ZNF121: variants seen among roughly 807,000 people sequenced by gnomAD.
ZNF121 encodes the protein zinc finger protein 121 (clone ZHC32).
ZNF121 carries 1 observed loss-of-function variant against 2.4 expected under a neutral mutation model. The ratio of observed to expected loss-of-function variants is 0.41; its 90% CI spans 0.15 to 1.94. ZNF121 has a LOEUF of 1.94. ZNF121 is among the 30% of genes most tolerant of loss of function. ZNF121 has a pLI of 0.30. For synonymous variants in ZNF121, 173 were observed against 158.6 expected (o/e 1.09, Z -0.68); for missense variants, 369 against 466.3 (o/e 0.79, Z 1.92).
chr19:9,581,359 C>A (rs1189479595), intron 1 of ZNF121, among the ~76,000 whole-genome samples: 2 of 149,022 alleles, frequency 1.3e-5, no homozygotes, highest in South Asian at 2.1e-4. Context: ...TAAACTAATC[C>A]CGGTTGGTGA....
chr19:9,566,749 C>T lies in ZNF121; in HGVS notation c.364G>A (p.Gly122Arg), dbSNP rs1387638560. 1 of 1,614,184 alleles carries T rather than the reference C, an allele frequency of 6.2e-7. No individual in the cohort carries two copies. The highest frequency in any genetic ancestry group is 8.5e-7 in the Non-Finnish European group (1 of 1,180,038). ...GETLYEQKQC[G>R]RAFTYSTSHA... ...CTTGTGGAGTAAGTAAAAGCTCTCC[C>T]ACATTGCTTCTGTTCATAGAGTGTT... Residue 122 changes from glycine (G) to arginine (R), a missense_variant, in exon 4 of 4, where the codon GGG becomes AGG. By Grantham distance (125) the Gly-to-Arg change is moderately radical. Coordinates refer to ENST00000320451, the MANE Select transcript of ZNF121 (RefSeq NM_001008727.5).
chr19:9,573,008 T>C (rs1219210129), intron 1 of ZNF121, among the ~76,000 whole-genome samples: 1 of 150,034 alleles, frequency 6.7e-6, no homozygotes, highest in African/African-American at 2.5e-5. Flanking sequence ...GAGAGAGACC[T>C]TGTCTCAAAA....
Position 9,566,789 on chromosome 19 carries a change from T to C in ZNF121, c.324A>G (p.Ile108Met). ...CATAGAGTGTTTCTCCATTGTGAGT[T>C]ATCCTATTTGCCTGAAGATGTGACT... ...VDQSHLQANR[I>M]THNGETLYEQ... The change falls in exon 4 of 4, where the codon ATA becomes ATG. Residue 108 changes from isoleucine (I) to methionine (M), a missense_variant. Ile to Met is a conservative substitution (Grantham distance 10, BLOSUM62 1). This residue lies in a region of ZNF121 where 168 missense variants were observed against 162.3 expected (regional missense o/e 1.03). Transcript: ENST00000320451. The C allele has an allele frequency of 6.2e-7, 1 of 1,614,218 alleles. No homozygotes were observed. The highest frequency in any genetic ancestry group is 1.3e-5 in the African/African-American group (1 of 75,072).
rs1014935850 is a variant in ZNF121 at position 9,563,394 on chromosome 19, C to A, written c.*2546G>T. Reference sequence around the variant, plus strand: ...GAGGTTTAACAAGTCATTTCCATAACATAAAAGTACAAAGTGAAGTAGCAA... The same window carrying A: ...GAGGTTTAACAAGTCATTTCCATAAAATAAAAGTACAAAGTGAAGTAGCAA... On this transcript the variant is annotated 3_prime_UTR_variant, in exon 4 of 4. Coordinates refer to ENST00000320451, the MANE Select transcript of ZNF121 (RefSeq NM_001008727.5). 8 of 152,196 alleles carry A rather than the reference C, an allele frequency of 5.3e-5. No homozygotes were observed. Among genetic ancestry groups the A allele is most frequent in the Non-Finnish European group, 8.8e-5 (6 of 68,050 alleles). 9.4% of individuals were successfully genotyped at this position (152,196 alleles called of 1,614,324 possible). A position where few individuals can be genotyped will look rare whatever the true frequency, so the allele number is the denominator to read the frequency against.
intron 1 of ZNF121, among the ~76,000 whole-genome samples, chr19:9,579,694 G>C (rs1410927753): frequency 2.0e-5 from 3 of 152,140 alleles, no homozygotes; most frequent in African/African-American, 7.2e-5. Context: ...TGATTCATGG[G>C]TAAAATACAC....
intron 1 of ZNF121, among the ~76,000 whole-genome samples, chr19:9,576,414 T>G (rs2074210624): frequency 6.6e-6 from 1 of 151,958 alleles, no homozygotes; most frequent in African/African-American, 2.4e-5. Flanking sequence ...CACAGAAATT[T>G]GGAAATTAAA....
chr19:9,578,802 C>T (rs754152242), intron 1 of ZNF121, among the ~76,000 whole-genome samples: 2 of 152,092 alleles, frequency 1.3e-5, no homozygotes, highest in Non-Finnish European at 2.9e-5. Context: ...AAGACCTCAA[C>T]AGCACAGGCA....
In ZNF121 at chr19:9,578,244, A is replaced by C. The variant is rs149397986; in HGVS notation, c.-160+6217T>G. 1.2e-4 allele frequency among the ~76,000 whole-genome samples: 18 copies of C among 151,534 alleles called. No homozygotes were observed. The East Asian group carries it at 3.5e-3, about 30-fold the overall frequency. ...ACAGAACGAGACTCCACCTCAAAAA[A>C]TTAGCCAGACATGGTGGTGCGTGCC... On this transcript the variant is annotated intron_variant, in intron 1 of 3. Transcript: ENST00000320451.
Position 9,568,086 on chromosome 19 carries a change from T to C in ZNF121, c.3+9A>G. The C allele has an allele frequency of 6.4e-7, 1 of 1,556,694 alleles. No homozygotes were observed. The highest frequency in any genetic ancestry group is 8.8e-7 in the Non-Finnish European group (1 of 1,141,262). ...TTTGAGTGTGGTAAATAAGAAATCT[T>C]AATCTTACCATTTGTATGCCGTTTG... On this transcript the variant is annotated intron_variant, in intron 3 of 3. Transcript: ENST00000320451.
At chr19:9,575,579 C>A (rs1351369824) in intron 1 of ZNF121, among the ~76,000 whole-genome samples, 1 of 151,772 alleles carries the variant, frequency 6.6e-6, no homozygotes, top group African/African-American at 2.4e-5. Flanking sequence ...TCCATCTCTA[C>A]TAAAAATACA....
intron 1 of ZNF121, among the ~76,000 whole-genome samples, chr19:9,574,746 G>C (rs1480227092): frequency 6.6e-6 from 1 of 152,210 alleles, no homozygotes; most frequent in Admixed American, 6.5e-5. Context: ...AACAGGCTAT[G>C]ACCTAATGCT....
At chr19:9,578,037 A>G (rs2074223774) in intron 1 of ZNF121, among the ~76,000 whole-genome samples, 1 of 131,114 alleles carries the variant, frequency 7.6e-6, no homozygotes, top group Admixed American at 7.8e-5. Flanking sequence ...CTAAAAAAAA[A>G]AATACAAAAA....
chr19:9,574,417 G>C (rs999171056), intron 1 of ZNF121, among the ~76,000 whole-genome samples: 1 of 152,042 alleles, frequency 6.6e-6, no homozygotes, highest in South Asian at 2.1e-4. Flanking sequence ...GCCTCCCAAA[G>C]TGCTAGGATT....
rs1314485998 is a variant in ZNF121, at chr19:9,564,348, A to G, written c.*1592T>C. Reference sequence around the variant, plus strand: ...GCTGGTGAATACCCACTTGTACTCCAGCATGAACAACACAGCGAGACCTTG... The same window carrying G: ...GCTGGTGAATACCCACTTGTACTCCGGCATGAACAACACAGCGAGACCTTG... On this transcript the variant is annotated 3_prime_UTR_variant, in exon 4 of 4. Transcript: ENST00000320451. 2 of 152,198 alleles carry G rather than the reference A, an allele frequency of 1.3e-5. No individual in the cohort carries two copies. The highest frequency in any genetic ancestry group is 4.8e-5 in the African/African-American group (2 of 41,450). 9.4% of individuals were successfully genotyped at this position (152,198 alleles called of 1,614,324 possible). A position where few individuals can be genotyped will look rare whatever the true frequency, so the allele number is the denominator to read the frequency against.
rs1258364051 is a variant in ZNF121 at position 9,564,558 on chromosome 19, T to C, written c.*1382A>G. Reference sequence around the variant, plus strand: ...AGTGGAGCCTGAAGATGTGACAGAATTGTTTCAATCTCGTGAAAAAACTTG... The same window carrying C: ...AGTGGAGCCTGAAGATGTGACAGAACTGTTTCAATCTCGTGAAAAAACTTG... On this transcript the variant is annotated 3_prime_UTR_variant, in exon 4 of 4. Coordinates refer to ENST00000320451, the MANE Select transcript of ZNF121 (RefSeq NM_001008727.5). 6.6e-6 allele frequency: 1 copy of C among 152,142 alleles called. No homozygotes were observed. Among genetic ancestry groups the C allele is most frequent in the Non-Finnish European group, 1.5e-5 (1 of 68,026 alleles). 9.4% of individuals were successfully genotyped at this position (152,142 alleles called of 1,614,324 possible).
chr19:9,574,557 C>T (rs1423174673), intron 1 of ZNF121, among the ~76,000 whole-genome samples: 2 of 152,174 alleles, frequency 1.3e-5, no homozygotes, highest in African/African-American at 2.4e-5. Flanking sequence ...TATAACCTGA[C>T]GCATCCACCC....
rs548855400 is a variant in ZNF121 at position 9,560,949 on chromosome 19, A to G, written c.*4991T>C. The G allele has an allele frequency of 6.6e-6, 1 of 152,338 alleles. No homozygotes were observed. Among genetic ancestry groups the G allele is most frequent in the South Asian group, 2.1e-4 (1 of 4,826 alleles). The allele number at this position is 152,338 out of a possible 1,614,324, so 9.4% of individuals were successfully genotyped here. A position where few individuals can be genotyped will look rare whatever the true frequency, so the allele number is the denominator to read the frequency against. On this transcript the variant is annotated 3_prime_UTR_variant, in exon 4 of 4. Coordinates refer to ENST00000320451, the MANE Select transcript of ZNF121 (RefSeq NM_001008727.5). The stretch of plus-strand genomic sequence containing the variant: ...TGAATTCTGGTTAGTTGATTTTTAA[A>G]AAGAGTGGTATGAGTTATCAATTCT...
chr19:9,577,163 G>T (rs1245069391), intron 1 of ZNF121, among the ~76,000 whole-genome samples: 1 of 152,196 alleles, frequency 6.6e-6, no homozygotes, highest in Non-Finnish European at 1.5e-5. Context: ...TACAGGCCAG[G>T]CTGGGTGCAG....
chr19:9,583,057 C>CAA lies in ZNF121; in HGVS notation c.-160+1402_-160+1403dup, dbSNP rs1326380773. Among the ~76,000 whole-genome samples the CAA allele has an allele frequency of 4.8e-4, 59 of 122,144 alleles. 1 individual carries two copies. In the East Asian group the frequency reaches 7.4e-3, roughly 15 times the overall value. The allele number at this position is 122,144 out of a possible 152,430, so 80.1% of individuals were successfully genotyped here. A position where few individuals can be genotyped will look rare whatever the true frequency, so the allele number is the denominator to read the frequency against. ...TGAAACCCTGTCTCCACTAAAAATA[C>CAA]AAAAAAAAAAAATTAGCTGGGCATG... is the stretch of plus-strand genomic sequence containing the variant. On this transcript the variant is annotated intron_variant, in intron 1 of 3. Coordinates refer to ENST00000320451, the MANE Select transcript of ZNF121 (RefSeq NM_001008727.5).
Sources: allele counts gnomAD v4.1 joint callset (sites outside exome capture counted in the v4.1 genomes callset), GRCh38; gene constraint gnomAD v4.1.1; regional missense constraint gnomAD v4.1.1; transcripts MANE v1.5; gene names NCBI Gene and HGNC (gene_info 2026-07-23, HGNC 2026-07-21).